Variants in CNTN3 observed in about 807,000 individuals in gnomAD.
CNTN3 encodes the protein contactin 3, also known as contactin-3.
CNTN3 carries 60 observed loss-of-function variants against 119.1 expected under a neutral mutation model. The observed-to-expected ratio is 0.50, with a 90% CI of 0.41 to 0.62. The LOEUF (loss-of-function observed/expected upper bound fraction) is 0.62, where lower values mean the gene tolerates loss of function less well. Ranked by LOEUF, CNTN3 falls within the 20% of genes least tolerant of loss-of-function variation. CNTN3 has a pLI of 0.00. For missense variants in CNTN3, 1,101 were observed against 1,242.4 expected (o/e 0.89, Z 1.71); for synonymous variants, 450 against 438.7 (o/e 1.03, Z -0.32).
intron 1 of CNTN3, among the ~76,000 whole-genome samples, chr3:74,526,589 C>T (rs566164876): frequency 6.6e-6 from 1 of 151,966 alleles, no homozygotes; most frequent in South Asian, 2.1e-4. Flanking sequence ...GTTACATGAA[C>T]TCTGGGCTCC....
chr3:74,499,566 T>A, intron 3 of CNTN3, 93 bp downstream of exon 3: 1 of 1,187,998 alleles, frequency 8.4e-7, no homozygotes, highest in Non-Finnish European at 1.2e-6. Context: ...TTCTTACTGA[T>A]GGCATAAATA....
At chr3:74,383,227 C>A (rs1015652235) in intron 5 of CNTN3, among the ~76,000 whole-genome samples, 1 of 151,774 alleles carries the variant, frequency 6.6e-6, no homozygotes, top group East Asian at 1.9e-4. Context: ...ACACTTCATT[C>A]TAAAAATAAT....
chr3:74,453,453 T>C (rs541924530), intron 4 of CNTN3, among the ~76,000 whole-genome samples: 1 of 152,292 alleles, frequency 6.6e-6, no homozygotes, highest in South Asian at 2.1e-4. Flanking sequence ...TTTGTTATCT[T>C]TTCAAAATAC....
At position 74,340,482 on chromosome 3, in the gene CNTN3, C is replaced by T. The variant is rs138063444; in HGVS notation, c.1365-3824G>A. ...AGAGAGAGCATGATTAAGAGCCATG[C>T]TCCCAACCCATCTGATCGCTAATCC... On this transcript the variant is annotated intron_variant, in intron 11 of 22. Coordinates refer to ENST00000263665, the MANE Select transcript of CNTN3 (RefSeq NM_020872.3). 3.5e-3 allele frequency among the ~76,000 whole-genome samples: 529 copies of T among 152,158 alleles called. 2 individuals are homozygous for T. Among genetic ancestry groups the T allele is most frequent in the Non-Finnish European group, 6.2e-3 (419 of 67,962 alleles).
chr3:74,608,699 A>G (rs1340341972), intron 1 of CNTN3, among the ~76,000 whole-genome samples: 2 of 152,238 alleles, frequency 1.3e-5, no homozygotes, highest in African/African-American at 4.8e-5. Flanking sequence ...AAGCCCCACT[A>G]TAACTATAGC....
intron 11 of CNTN3, among the ~76,000 whole-genome samples, chr3:74,341,395 G>T (rs1703542530): frequency 1.3e-5 from 2 of 152,006 alleles, no homozygotes; most frequent in South Asian, 4.1e-4. Context: ...TGAAAATGTA[G>T]ATAACGATGA....
chr3:74,577,439 A>G lies in CNTN3; in HGVS notation c.-81+36952T>C, dbSNP rs76649287. 8.4e-3 allele frequency among the ~76,000 whole-genome samples: 1,285 copies of G among 152,196 alleles called. 16 individuals are homozygous for G. Among genetic ancestry groups the G allele is most frequent in the African/African-American group, 0.029 (1,220 of 41,492 alleles). The stretch of plus-strand genomic sequence containing the variant: ...ACTTTCTCAAGAGTGGGGGGGAAAA[A>G]GAATTAGAGTACGTGTATGTTACTG... On this transcript the variant is annotated intron_variant, in intron 1 of 22. Coordinates refer to ENST00000263665, the MANE Select transcript of CNTN3 (RefSeq NM_020872.3).
intron 11 of CNTN3, among the ~76,000 whole-genome samples, chr3:74,358,291 TATATC>T (rs1272453523): frequency 6.6e-6 from 1 of 152,118 alleles, no homozygotes; most frequent in South Asian, 2.1e-4. Context: ...ATATTAGAAA[TATATC>T]ATACAAAGCA....
intron 5 of CNTN3, among the ~76,000 whole-genome samples, chr3:74,391,892 A>C (rs1704919380): frequency 6.6e-6 from 1 of 152,172 alleles, no homozygotes; most frequent in African/African-American, 2.4e-5. Context: ...TCCTAACCTC[A>C]AGTGATCAGC....
At chr3:74,481,737 A>G (rs555371284) in intron 4 of CNTN3, among the ~76,000 whole-genome samples, 17 of 151,814 alleles carry the variant, frequency 1.1e-4, no homozygotes, top group Non-Finnish European at 2.1e-4. Context: ...GAAGAACAAT[A>G]AAGATAAGAG....
At position 74,565,877 on chromosome 3, in the gene CNTN3, T is replaced by C. The variant is rs185343052; in HGVS notation, c.-80-44685A>G. On this transcript the variant is annotated intron_variant, in intron 1 of 22. Coordinates refer to ENST00000263665, the MANE Select transcript of CNTN3 (RefSeq NM_020872.3). ...TAGCTCCCACAATTCCCACATGTCA[T>C]GGGAGGGACTGGTAGGAGGTATTTG... 3.9e-5 allele frequency among the ~76,000 whole-genome samples: 6 copies of C among 152,232 alleles called. No homozygotes were observed. In the East Asian group the frequency reaches 9.7e-4, roughly 25 times the overall value.
At chr3:74,437,214 T>G (rs1701881525) in intron 4 of CNTN3, among the ~76,000 whole-genome samples, 1 of 152,154 alleles carries the variant, frequency 6.6e-6, no homozygotes, top group Admixed American at 6.5e-5. Context: ...ATCCCAGCAC[T>G]TTGGGAGACC....
intron 4 of CNTN3, among the ~76,000 whole-genome samples, chr3:74,479,150 G>A (rs1252871092): frequency 2.0e-5 from 3 of 151,946 alleles, no homozygotes; most frequent in African/African-American, 7.2e-5. Flanking sequence ...AATAATATGT[G>A]TGAAATAGGA....
At chr3:74,587,710 T>C (rs868388444) in intron 1 of CNTN3, among the ~76,000 whole-genome samples, 16 of 152,284 alleles carry the variant, frequency 1.1e-4, no homozygotes, top group African/African-American at 3.8e-4. Flanking sequence ...ACAATGGGGT[T>C]TTCTAGATAT....
At chr3:74,478,651 G>A (rs191996888) in intron 4 of CNTN3, among the ~76,000 whole-genome samples, 21 of 152,176 alleles carry the variant, frequency 1.4e-4, no homozygotes, top group Admixed American at 3.9e-4. Flanking sequence ...ACACCATAGC[G>A]ACCCTCCTGA....
intron 13 of CNTN3, among the ~76,000 whole-genome samples, chr3:74,331,911 G>A (rs1481894963): frequency 3.3e-5 from 5 of 152,132 alleles, no homozygotes; most frequent in Non-Finnish European, 7.3e-5. Flanking sequence ...AATTATTGGA[G>A]CTTTCTGAGC....
At chr3:74,326,480 C>T (rs1703134081) in intron 13 of CNTN3, among the ~76,000 whole-genome samples, 1 of 152,050 alleles carries the variant, frequency 6.6e-6, no homozygotes, top group Admixed American at 6.5e-5. Flanking sequence ...CATTCAGAAT[C>T]CTGTATTCTA....
At chr3:74,372,479 C>T (rs1437035463) in intron 5 of CNTN3, among the ~76,000 whole-genome samples, 3 of 151,912 alleles carry the variant, frequency 2.0e-5, no homozygotes, top group East Asian at 1.9e-4. Context: ...GATTTAAGCA[C>T]GGTTACTGTG....
At chr3:74,354,504 A>G (rs1419611129) in intron 11 of CNTN3, among the ~76,000 whole-genome samples, 1 of 152,132 alleles carries the variant, frequency 6.6e-6, no homozygotes, top group Non-Finnish European at 1.5e-5. Context: ...GAGACAAAAC[A>G]TACAGTTTTG....
Sources: allele counts gnomAD v4.1 joint callset (sites outside exome capture counted in the v4.1 genomes callset), GRCh38; gene constraint gnomAD v4.1.1; transcripts MANE v1.5; gene names NCBI Gene and HGNC (gene_info 2026-07-23, HGNC 2026-07-21).